Variants in SCHIP1 observed in about 807,000 individuals in gnomAD.
SCHIP1 encodes schwannomin-interacting protein 1.
SCHIP1 carries 8 observed loss-of-function variants against 29.7 expected under a neutral mutation model. That is an observed-to-expected ratio of 0.27 (90% confidence interval 0.16 to 0.49). SCHIP1 has a LOEUF of 0.49. Among genes scored for constraint, SCHIP1 ranks in the 20% least tolerant of loss-of-function variants. The pLI, the probability that SCHIP1 is intolerant of heterozygous loss-of-function variation, is 0.99. For synonymous variants in SCHIP1, 76 were observed against 94.9 expected, an observed-to-expected ratio of 0.80 and a Z score of 1.16; for missense variants, 193 against 294.6, an observed-to-expected ratio of 0.66 and a Z score of 2.52.
the SCHIP1 span, among the ~76,000 whole-genome samples, chr3:159,664,113 A>T: frequency 1.3e-5 from 2 of 152,228 alleles, no homozygotes; most frequent in African/African-American, 4.8e-5. Flanking sequence ...AAGGGTCATA[A>T]GGCATTAACT....
At chr3:159,409,183 A>G in the SCHIP1 span, among the ~76,000 whole-genome samples, 8 of 152,326 alleles carry the variant, frequency 5.3e-5, no homozygotes, top group African/African-American at 1.9e-4. Context: ...CTAGTATCAC[A>G]GTGAATGAGG....
At chr3:159,607,304 A>C in the SCHIP1 span, among the ~76,000 whole-genome samples, 1 of 152,146 alleles carries the variant, frequency 6.6e-6, no homozygotes, top group Non-Finnish European at 1.5e-5. Context: ...TTTTTTTCTT[A>C]AATCATATAT....
chr3:159,621,513 C>T, the SCHIP1 span, among the ~76,000 whole-genome samples: 1 of 152,292 alleles, frequency 6.6e-6, no homozygotes, highest in East Asian at 1.9e-4. Flanking sequence ...ACAGTAAAGC[C>T]AACTTGGAGT....
chr3:159,433,162 A>T, the SCHIP1 span, among the ~76,000 whole-genome samples: 1 of 152,200 alleles, frequency 6.6e-6, no homozygotes, highest in Non-Finnish European at 1.5e-5. Flanking sequence ...GTCTAGCAGA[A>T]GCTGAAAAAG....
chr3:159,668,977 T>C, the SCHIP1 span, among the ~76,000 whole-genome samples: 1 of 152,178 alleles, frequency 6.6e-6, no homozygotes, highest in Non-Finnish European at 1.5e-5. Flanking sequence ...TGCAGTCTTT[T>C]TCCCCTCAGG....
chr3:159,724,210 T>C, the SCHIP1 span, among the ~76,000 whole-genome samples: 9 of 152,362 alleles, frequency 5.9e-5, no homozygotes, highest in African/African-American at 2.2e-4. Context: ...TTTGCTCATC[T>C]TTTTTGTTGG....
the SCHIP1 span, among the ~76,000 whole-genome samples, chr3:159,397,757 G>T: frequency 6.6e-6 from 1 of 152,214 alleles, no homozygotes; most frequent in East Asian, 1.9e-4. Context: ...GTCTACAGAG[G>T]TTACTGCTGT....
chr3:159,369,594 T>C, the SCHIP1 span, among the ~76,000 whole-genome samples: 1 of 152,180 alleles, frequency 6.6e-6, no homozygotes, highest in Non-Finnish European at 1.5e-5. Context: ...GAATGCCATA[T>C]AGCTTTTAAA....
At chr3:159,886,459 C>A in intron 3 of SCHIP1, 135 bp downstream of exon 4, 3 of 715,394 alleles carry the variant, frequency 4.2e-6, no homozygotes, top group South Asian at 4.3e-5. Flanking sequence ...TTGCATGCTC[C>A]TAAAATTTGA....
the SCHIP1 span, among the ~76,000 whole-genome samples, chr3:159,632,794 G>A: frequency 6.6e-6 from 1 of 152,190 alleles, no homozygotes; most frequent in Non-Finnish European, 1.5e-5. Context: ...TGTCCCTGAT[G>A]TTGATGATAC....
chr3:159,643,466 T>G, the SCHIP1 span, among the ~76,000 whole-genome samples: 1 of 152,048 alleles, frequency 6.6e-6, no homozygotes, highest in Admixed American at 6.6e-5. Flanking sequence ...TCATACATCC[T>G]AGAATACTCA....
At chr3:159,772,612 C>G in the SCHIP1 span, among the ~76,000 whole-genome samples, 298 of 152,328 alleles carry the variant, frequency 2.0e-3, 1 homozygote, top group African/African-American at 6.9e-3. Flanking sequence ...TTGTGCCAGC[C>G]TTTCTCTTTA....
At chr3:159,414,820 C>A in the SCHIP1 span, among the ~76,000 whole-genome samples, 1 of 152,184 alleles carries the variant, frequency 6.6e-6, no homozygotes, top group East Asian at 1.9e-4. Flanking sequence ...AAGAAGCATG[C>A]AATGTGTATC....
chr3:159,715,374 C>T, the SCHIP1 span, among the ~76,000 whole-genome samples: 16 of 152,182 alleles, frequency 1.1e-4, no homozygotes, highest in Non-Finnish European at 1.0e-4. Context: ...TCAGCAGCAA[C>T]AGAACAAAGC....
the SCHIP1 span, among the ~76,000 whole-genome samples, chr3:159,798,099 G>C: frequency 1.3e-5 from 2 of 152,262 alleles, no homozygotes; most frequent in East Asian, 1.9e-4. Context: ...ACTCTATTTT[G>C]GTTTTGGTCT....
At chr3:159,712,940 CCTGAGGTCAG>C in the SCHIP1 span, among the ~76,000 whole-genome samples, 1 of 151,096 alleles carries the variant, frequency 6.6e-6, no homozygotes, top group Non-Finnish European at 1.5e-5. Context: ...GGGCAGATCA[CCTGAGGTCAG>C]GAGTTTGAGA....
the SCHIP1 span, among the ~76,000 whole-genome samples, chr3:159,432,242 G>A: frequency 6.6e-6 from 1 of 151,134 alleles, no homozygotes; most frequent in Non-Finnish European, 1.5e-5. Context: ...AGGGCTGCTT[G>A]AGAGCCCTCA....
the SCHIP1 span, among the ~76,000 whole-genome samples, chr3:159,606,948 G>A: frequency 6.6e-6 from 1 of 152,208 alleles, no homozygotes; most frequent in Admixed American, 6.5e-5. Context: ...GTGACAGGAG[G>A]AAGGAGTGGA....
the SCHIP1 span, among the ~76,000 whole-genome samples, chr3:159,750,214 A>AGATGCACT: frequency 6.6e-6 from 1 of 150,444 alleles, no homozygotes; most frequent in Non-Finnish European, 1.5e-5. Flanking sequence ...TTGTCCAAGC[A>AGATGCACT]GATGCACTGG....
Sources: allele counts gnomAD v4.1 joint callset (sites outside exome capture counted in the v4.1 genomes callset), GRCh38; gene constraint gnomAD v4.1.1; transcripts MANE v1.5; gene names NCBI Gene and HGNC (gene_info 2026-07-23, HGNC 2026-07-21).